GPATCH2: variants seen among roughly 807,000 people sequenced by gnomAD.
The protein encoded by GPATCH2 is G-patch domain containing 2.
GPATCH2 carries 51 observed loss-of-function variants against 58.0 expected under a neutral mutation model. The ratio of observed to expected loss-of-function variants is 0.88; its 90% confidence interval spans 0.70 to 1.11. The LOEUF is 1.11. Ranked by LOEUF, GPATCH2 falls within the 50% of genes most tolerant of loss-of-function variation. GPATCH2 has a pLI of 0.00. For synonymous variants in GPATCH2, 222 were observed against 218.5 expected (o/e 1.02, Z -0.14); for missense variants, 625 against 652.2 (o/e 0.96, Z 0.45).
intron 8 of GPATCH2, among the ~76,000 whole-genome samples, chr1:217,463,671 A>AAAG (rs1660305843): frequency 7.2e-6 from 1 of 138,162 alleles, no homozygotes; most frequent in Non-Finnish European, 1.6e-5. Context: ...AAAAAAAAAA[A>AAAG]AAAGGCAGGC....
chr1:217,552,180 T>A (rs1013909297), intron 5 of GPATCH2, among the ~76,000 whole-genome samples: 1 of 152,048 alleles, frequency 6.6e-6, no homozygotes, highest in African/African-American at 2.4e-5. Context: ...TGTATATGAA[T>A]AAAACCTCTC....
chr1:217,522,486 C>T (rs899453772), intron 5 of GPATCH2, among the ~76,000 whole-genome samples: 2 of 152,114 alleles, frequency 1.3e-5, no homozygotes, highest in South Asian at 2.1e-4. Context: ...CCTCTACTGG[C>T]TGACCAAAGG....
intron 9 of GPATCH2, among the ~76,000 whole-genome samples, chr1:217,447,213 A>G (rs1412789007): frequency 2.0e-5 from 3 of 152,230 alleles, no homozygotes; most frequent in Non-Finnish European, 4.4e-5. Flanking sequence ...TTTCATGAAT[A>G]TTCGCATTTC....
intron 5 of GPATCH2, among the ~76,000 whole-genome samples, chr1:217,576,736 C>G (rs891328857): frequency 1.3e-5 from 2 of 152,052 alleles, no homozygotes; most frequent in Non-Finnish European, 2.9e-5. Context: ...CGCACCAGTA[C>G]GGATTTGGAA....
In GPATCH2 at chr1:217,427,259, C is replaced by T. The variant is rs904647968; in HGVS notation, c.*3886G>A. The T allele has an allele frequency of 2.0e-5, 3 of 152,102 alleles. No homozygotes were observed. Among genetic ancestry groups the T allele is most frequent in the Admixed American group, 6.6e-5 (1 of 15,264 alleles). The allele number at this position is 152,102 out of a possible 1,614,324, so 9.4% of individuals were successfully genotyped here. On this transcript the variant is annotated 3_prime_UTR_variant, in exon 10 of 10. Coordinates refer to ENST00000366935, the MANE Select transcript of GPATCH2 (RefSeq NM_018040.5). ...CCTTAAGCAAGTTAGTCTAATCAAG[C>T]TTCACAGAAACAATAAAAACAGGAA...
chr1:217,596,611 A>AT (rs935722921), intron 5 of GPATCH2, among the ~76,000 whole-genome samples: 7 of 152,160 alleles, frequency 4.6e-5, no homozygotes, highest in Non-Finnish European at 7.4e-5. Flanking sequence ...CTGCCCTTTT[A>AT]TATTAGTTTA....
At chr1:217,611,783 T>TA (rs1668643783) in intron 3 of GPATCH2, among the ~76,000 whole-genome samples, 1 of 152,162 alleles carries the variant, frequency 6.6e-6, no homozygotes, top group Non-Finnish European at 1.5e-5. Context: ...GACAATACCT[T>TA]AGAGTTTATG....
At chr1:217,601,835 C>T (rs1329243161) in intron 5 of GPATCH2, among the ~76,000 whole-genome samples, 1 of 152,126 alleles carries the variant, frequency 6.6e-6, no homozygotes, top group Non-Finnish European at 1.5e-5. Flanking sequence ...CAACCTCCAC[C>T]AGGTTTATTT....
At chr1:217,473,554 A>T (rs1184360140) in intron 8 of GPATCH2, among the ~76,000 whole-genome samples, 1 of 152,164 alleles carries the variant, frequency 6.6e-6, no homozygotes, top group African/African-American at 2.4e-5. Context: ...ACCCTGAGAC[A>T]TGCATAAAAT....
At chr1:217,580,729 C>T (rs1667034669) in intron 5 of GPATCH2, among the ~76,000 whole-genome samples, 1 of 151,986 alleles carries the variant, frequency 6.6e-6, no homozygotes, top group South Asian at 2.1e-4. Context: ...TCTGGGAGCC[C>T]ATTAGAAAGG....
chr1:217,618,452 C>T (rs900008105), intron 2 of GPATCH2, among the ~76,000 whole-genome samples: 1 of 151,988 alleles, frequency 6.6e-6, no homozygotes, highest in Admixed American at 6.6e-5. Context: ...AGGTGATCCA[C>T]CAGCCTCAGC....
intron 5 of GPATCH2, among the ~76,000 whole-genome samples, chr1:217,529,679 T>A (rs1341153196): frequency 6.6e-6 from 1 of 152,200 alleles, no homozygotes; most frequent in Non-Finnish European, 1.5e-5. Flanking sequence ...CAAAACAGAC[T>A]AAGATGATTC....
chr1:217,430,725 CAATA>C lies in GPATCH2; in HGVS notation c.*416_*419del, dbSNP rs1658493072. 1.1e-5 allele frequency: 2 copies of C among 177,232 alleles called. No individual in the cohort carries two copies. The highest frequency in any genetic ancestry group is 2.4e-5 in the Non-Finnish European group (2 of 84,078). The allele number at this position is 177,232 out of a possible 1,614,324, so 11.0% of individuals were successfully genotyped here. ...ATGCGATGGTAGGTCTTTTGGGTTA[CAATA>C]GATAGGGATGATATAAAACACAATC... On this transcript the variant is annotated 3_prime_UTR_variant, in exon 10 of 10. Transcript: ENST00000366935.
At chr1:217,579,292 G>A (rs1449253986) in intron 5 of GPATCH2, among the ~76,000 whole-genome samples, 3 of 151,498 alleles carry the variant, frequency 2.0e-5, no homozygotes, top group Non-Finnish European at 4.4e-5. Flanking sequence ...TAAGGAAAGC[G>A]AAGGTTTGCA....
intron 6 of GPATCH2, among the ~76,000 whole-genome samples, chr1:217,510,879 A>G (rs1256185035): frequency 1.3e-5 from 2 of 152,040 alleles, no homozygotes; most frequent in Non-Finnish European, 2.9e-5. Context: ...AATCACCTGC[A>G]GTCAGGAGTT....
chr1:217,621,121 C>T (rs2102843391), intron 1 of GPATCH2, among the ~76,000 whole-genome samples: 1 of 152,296 alleles, frequency 6.6e-6, no homozygotes, highest in African/African-American at 2.4e-5. Flanking sequence ...TTTCAAAGGG[C>T]CCATCATTAC....
chr1:217,521,794 TAAA>T (rs942074817), intron 5 of GPATCH2, among the ~76,000 whole-genome samples: 1 of 149,986 alleles, frequency 6.7e-6, no homozygotes, highest in African/African-American at 2.4e-5. Context: ...AGGTTTTGTT[TAAA>T]AAAAAAATAG....
At chr1:217,464,376 GC>G (rs1387662850) in intron 8 of GPATCH2, among the ~76,000 whole-genome samples, 1 of 152,030 alleles carries the variant, frequency 6.6e-6, no homozygotes, top group Non-Finnish European at 1.5e-5. Context: ...TCTGCAAATG[GC>G]CCCAAGCACA....
intron 8 of GPATCH2, among the ~76,000 whole-genome samples, chr1:217,459,549 G>C (rs1660107814): frequency 6.6e-6 from 1 of 152,086 alleles, no homozygotes; most frequent in African/African-American, 2.4e-5. Flanking sequence ...TTGATATTTA[G>C]TGTAGAGTTT....
Sources: gnomAD v4.1 joint callset for allele counts (sites outside exome capture counted in the v4.1 genomes callset) on GRCh38, gnomAD v4.1.1 for gene constraint, MANE v1.5 for transcripts, NCBI Gene and HGNC (gene_info 2026-07-23, HGNC 2026-07-21) for gene names.